Variants in DPH5 observed in about 807,000 individuals in gnomAD.
DPH5 encodes the protein diphthine methyl ester synthase.
Under a neutral mutation model 31.6 loss-of-function variants are expected in DPH5, and 31 were observed. That is an observed-to-expected ratio of 0.98 (90% CI 0.74 to 1.32). The LOEUF is 1.32. Among genes scored for constraint, DPH5 ranks in the 40% most tolerant of loss-of-function variants. DPH5 has a pLI of 0.00. For missense variants in DPH5, 309 were observed against 335.7 expected (o/e 0.92, Z 0.62); for synonymous variants, 120 against 115.0 (o/e 1.04, Z -0.28).
At chr1:101,015,171 T>A (rs1414411556) in intron 3 of DPH5, among the ~76,000 whole-genome samples, 1 of 152,226 alleles carries the variant, frequency 6.6e-6, no homozygotes, top group African/African-American at 2.4e-5. Flanking sequence ...TTCAATTTAC[T>A]TTGCCCAGAC....
At chr1:100,994,277 A>T (rs929998157) in intron 6 of DPH5, among the ~76,000 whole-genome samples, 1 of 152,208 alleles carries the variant, frequency 6.6e-6, no homozygotes, top group Non-Finnish European at 1.5e-5. Context: ...TGTTCCAAAC[A>T]TACTTAAAAG....
intron 2 of DPH5, among the ~76,000 whole-genome samples, chr1:101,023,603 G>A (rs1660624881): frequency 6.6e-6 from 1 of 152,176 alleles, no homozygotes; most frequent in South Asian, 2.1e-4. Context: ...TTAACATTTA[G>A]CTAGCACTGA....
chr1:101,017,154 A>C (rs551877559), intron 3 of DPH5, among the ~76,000 whole-genome samples: 1 of 152,322 alleles, frequency 6.6e-6, no homozygotes, highest in Non-Finnish European at 1.5e-5. Context: ...AAATGGCACC[A>C]ATAGGATTGC....
In DPH5 at chr1:101,001,518, C is replaced by T; in HGVS notation, c.439G>A (p.Asp147Asn). 6.2e-7 allele frequency: 1 copy of T among 1,612,920 alleles called. No individual in the cohort carries two copies. Among genetic ancestry groups the T allele is most frequent in the Non-Finnish European group, 8.5e-7 (1 of 1,179,158 alleles). The change falls in exon 5 of 8, where the codon GAC (aspartate) becomes AAC (asparagine). Residue 147 changes from aspartate (D) to asparagine (N), a missense_variant. Transcript: ENST00000370109. ...TTTTGTCTGTTCTTCTTCACTTTGT[C>T]AAAGAAGCTTTCTGGTCTCCAAGTG... Reference protein sequence around the residue: ...TDTWRPESFFDKVKKNRQNGM... With the variant: ...TDTWRPESFFNKVKKNRQNGM...
intron 2 of DPH5, chr1:101,023,323 T>A (rs1254036161): frequency 6.6e-6 from 1 of 152,238 alleles, no homozygotes; most frequent in Non-Finnish European, 1.5e-5. Context: ...TGTTAACTTC[T>A]CTATCCCTGC....
At chr1:100,999,569 A>G (rs1054773043) in intron 5 of DPH5, among the ~76,000 whole-genome samples, 1 of 151,808 alleles carries the variant, frequency 6.6e-6, no homozygotes, top group African/African-American at 2.4e-5. Flanking sequence ...GGCCAGGTGC[A>G]GTAGCTCATA....
chr1:101,001,586 A>G lies in DPH5; in HGVS notation c.371T>C (p.Leu124Ser). ...AGAAACTGTCTCTCCAAACTTATAT[A>G]ACTAGAAAAAAAAACATTAATTAAT... ...MNAVGCCGLQLYKFGETVSIV... is the reference protein window; with the variant it reads ...MNAVGCCGLQSYKFGETVSIV... The change falls in exon 5 of 8, where the codon TTA becomes TCA. Residue 124 changes from leucine (L) to serine (S), a missense_variant and splice_region_variant. Transcript: ENST00000370109. 1 of 1,563,682 alleles carries G rather than the reference A, an allele frequency of 6.4e-7. No homozygotes were observed. The highest frequency in any genetic ancestry group is 8.7e-7 in the Non-Finnish European group (1 of 1,143,292).
chr1:101,019,525 A>G lies in DPH5; in HGVS notation c.260+2116T>C, dbSNP rs11582313. On this transcript the variant is annotated intron_variant, in intron 3 of 7. Transcript: ENST00000370109. The stretch of plus-strand genomic sequence containing the variant: ...ATCTTAAACAATCTTCTTTTTATAT[A>G]TTTTATTTAAATAAGAAGGGGTCTT... Among the ~76,000 whole-genome samples, 1,424 of 152,242 alleles carry G rather than the reference A, an allele frequency of 9.4e-3. 11 individuals carry two copies. Among genetic ancestry groups the G allele is most frequent in the Non-Finnish European group, 0.016 (1,060 of 67,976 alleles).
intron 5 of DPH5, among the ~76,000 whole-genome samples, chr1:100,997,954 G>A (rs1207126643): frequency 6.6e-6 from 1 of 152,102 alleles, no homozygotes; most frequent in Non-Finnish European, 1.5e-5. Flanking sequence ...TGATGGCATA[G>A]TCCACACCAA....
rs1335874818 is a variant in DPH5 at position 100,990,432 on chromosome 1, T to G, written c.834A>C (p.Glu278Asp). ...TTCAAAGTCCATTGATGCTTTGAGA[T>G]TCTGAGCTATTTTCTGGTATGGAAA... ...SLFSIPENSS[E>D]SQSINGL is the part of the protein sequence containing the mutation. The change falls in exon 8 of 8, where the codon GAA (glutamate) becomes GAC (aspartate). Residue 278 changes from glutamate (E) to aspartate (D), a missense_variant. Glu to Asp is a conservative substitution (Grantham distance 45). Transcript: ENST00000370109. The G allele has an allele frequency of 3.1e-6, 5 of 1,614,112 alleles. No individual in the cohort carries two copies. The highest frequency in any genetic ancestry group is 1.7e-5 in the Admixed American group (1 of 60,022).
intron 5 of DPH5, among the ~76,000 whole-genome samples, chr1:100,997,367 C>A (rs1394327877): frequency 6.7e-6 from 1 of 149,236 alleles, no homozygotes; most frequent in African/African-American, 2.5e-5. Context: ...TCCTTCCTAT[C>A]TTTTTTTTTT....
Position 101,007,302 on chromosome 1 carries a change from C to A in DPH5, c.370-5715G>T, listed in dbSNP as rs369899047. On this transcript the variant is annotated intron_variant, in intron 4 of 7. Transcript: ENST00000370109. ...CCTAATTTTCTGTGAGCATAGAAAT[C>A]ATTTATTATCAAGGAAAATGGTTCT... 1.4e-4 allele frequency among the ~76,000 whole-genome samples: 21 copies of A among 152,188 alleles called. No individual in the cohort carries two copies. The South Asian group carries it at 2.5e-3, about 18-fold the overall frequency.
At chr1:101,025,574 A>G (rs1324500573) in intron 1 of DPH5, 108 bp from the exon 2 acceptor site, 1 of 1,138,900 alleles carries the variant, frequency 8.8e-7, no homozygotes. Flanking sequence ...GGCAAGTCAC[A>G]AGGAGGGGTT....
At chr1:101,015,494 TA>T in intron 3 of DPH5, among the ~76,000 whole-genome samples, 1 of 152,352 alleles carries the variant, frequency 6.6e-6, no homozygotes, top group East Asian at 1.9e-4. Flanking sequence ...TTGTTCCACT[TA>T]CAGCGCACAG....
chr1:101,019,242 G>T (rs918791403), intron 3 of DPH5, among the ~76,000 whole-genome samples: 1 of 152,078 alleles, frequency 6.6e-6, no homozygotes, highest in African/African-American at 2.4e-5. Context: ...CTTTCTTTGT[G>T]TGATCTATTT....
At chr1:101,016,627 G>A (rs1660100490) in intron 3 of DPH5, among the ~76,000 whole-genome samples, 1 of 151,360 alleles carries the variant, frequency 6.6e-6, no homozygotes, top group African/African-American at 2.4e-5. Context: ...TGTATTTTTT[G>A]GTAGAGACGG....
intron 2 of DPH5, chr1:101,025,005 T>C (rs531331624): frequency 3.6e-5 from 10 of 274,612 alleles, no homozygotes; most frequent in African/African-American, 8.9e-5. Flanking sequence ...AAAGGGTTTC[T>C]TGACTACCTC....
chr1:101,022,656 A>G (rs1660544297), intron 2 of DPH5, among the ~76,000 whole-genome samples: 1 of 151,934 alleles, frequency 6.6e-6, no homozygotes. Context: ...GGTTTCTTAC[A>G]TACTGAGAAC....
rs773557166 is a variant in DPH5, at chr1:100,990,373, T to TGG, written c.*34_*35insCC. The TGG allele has an allele frequency of 1.3e-6, 2 of 1,598,354 alleles. No individual in the cohort carries two copies. The highest frequency in any genetic ancestry group is 1.7e-6 in the Non-Finnish European group (2 of 1,166,788). On this transcript the variant is annotated 3_prime_UTR_variant, in exon 8 of 8. Transcript: ENST00000370109. ...CAAACCATATCAATCCATATATGGC[T>TGG]GAAATTTACATCAGACAATGGTAAA...
Sources: gnomAD v4.1 joint callset for allele counts (sites outside exome capture counted in the v4.1 genomes callset) on GRCh38, gnomAD v4.1.1 for gene constraint, MANE v1.5 for transcripts, NCBI Gene and HGNC (gene_info 2026-07-23, HGNC 2026-07-21) for gene names.